Variants in CDH4 observed in about 807,000 individuals in gnomAD.
CDH4 encodes the protein cadherin 4.
A neutral mutation model predicts 86.0 loss-of-function variants in CDH4; 33 were observed. The observed-to-expected ratio is 0.38, with a 90% confidence interval of 0.29 to 0.51. The LOEUF (loss-of-function observed/expected upper bound fraction) is 0.51, where lower values mean the gene tolerates loss of function less well. CDH4 is among the 20% of genes least tolerant of loss of function. CDH4 has a pLI of 0.86. For missense variants in CDH4, 1,114 were observed against 1,307.4 expected, an observed-to-expected ratio of 0.85 and a Z score of 2.28; for synonymous variants, 555 against 549.4, an observed-to-expected ratio of 1.01 and a Z score of -0.14.
chr20:61,411,355 T>A (rs1483490019), intron 2 of CDH4, among the ~76,000 whole-genome samples: 1 of 148,250 alleles, frequency 6.7e-6, no homozygotes, highest in African/African-American at 2.5e-5. Context: ...GACTCTGCTT[T>A]CAAAACTGCC....
At chr20:61,452,307 T>G (rs1266554863) in intron 2 of CDH4, among the ~76,000 whole-genome samples, 1 of 152,142 alleles carries the variant, frequency 6.6e-6, no homozygotes, top group Non-Finnish European at 1.5e-5. Context: ...CCATAATAGA[T>G]CTTAGTCCCT....
rs187340782 is a variant in CDH4 at position 61,745,123 on chromosome 20, C to T, written c.396+1334C>T. Among the ~76,000 whole-genome samples the T allele has an allele frequency of 2.4e-3, 368 of 152,354 alleles. 1 individual carries two copies. The highest frequency in any genetic ancestry group is 8.5e-3 in the African/African-American group (353 of 41,590). On this transcript the variant is annotated intron_variant, in intron 3 of 15. Coordinates refer to ENST00000614565, the MANE Select transcript of CDH4 (RefSeq NM_001794.5). ...CAAAGGAAATCACCACGCAAGGCGG[C>T]GGCCACTAGCAATCATGGGCACTCC...
chr20:61,296,065 A>AG (rs1243253276), intron 2 of CDH4, among the ~76,000 whole-genome samples: 2 of 152,076 alleles, frequency 1.3e-5, no homozygotes, highest in Admixed American at 6.5e-5. Flanking sequence ...CGGTGGGGCA[A>AG]GGGGGAGTGG....
intron 2 of CDH4, among the ~76,000 whole-genome samples, chr20:61,572,492 C>A (rs1418703821): frequency 1.3e-5 from 2 of 152,118 alleles, no homozygotes; most frequent in East Asian, 1.9e-4. Flanking sequence ...CTGGGGTGAG[C>A]CTCTGCCCTC....
At chr20:61,559,370 G>A (rs1015664314) in intron 2 of CDH4, among the ~76,000 whole-genome samples, 1 of 152,046 alleles carries the variant, frequency 6.6e-6, no homozygotes, top group Non-Finnish European at 1.5e-5. Flanking sequence ...GAATGCTGAT[G>A]GCCATCACTG....
chr20:61,934,993 T>C (rs1260035729), intron 15 of CDH4, among the ~76,000 whole-genome samples: 1 of 152,264 alleles, frequency 6.6e-6, no homozygotes, highest in Non-Finnish European at 1.5e-5. Context: ...CCGTCTTCCA[T>C]CTTCCTTTGC....
chr20:61,371,979 G>A (rs7348218), intron 2 of CDH4, among the ~76,000 whole-genome samples: 1,597 of 152,328 alleles, frequency 0.01, 25 homozygotes, highest in African/African-American at 0.036. Context: ...ATGAGGTCAC[G>A]GGCAGGCCGC....
At chr20:61,435,502 G>A (rs77042000) in intron 2 of CDH4, 9,004 of 152,676 alleles carry the variant, frequency 0.059, 862 homozygotes, top group African/African-American at 0.2. Flanking sequence ...CACTGCGGCC[G>A]GAGGAGGTGG....
rs149986872 is a variant in CDH4 at position 61,626,244 on chromosome 20, G to C, written c.170-117319G>C. Among the ~76,000 whole-genome samples the C allele has an allele frequency of 5.2e-3, 797 of 152,270 alleles. 23 individuals carry two copies. Among genetic ancestry groups the C allele is most frequent in the Admixed American group, 0.043 (651 of 15,302 alleles). ...ACGGCGGAGCAGGCCAAGGGGTGGG[G>C]GTCAGTTTTAAATGGGACGTCAGAG... On this transcript the variant is annotated intron_variant, in intron 2 of 15. Transcript: ENST00000614565.
At chr20:61,919,026 A>ACGC (rs1176603679) in intron 9 of CDH4, among the ~76,000 whole-genome samples, 2 of 152,122 alleles carry the variant, frequency 1.3e-5, no homozygotes, top group East Asian at 3.9e-4. Flanking sequence ...GTGTGCTACC[A>ACGC]CGCTCAACTA....
chr20:61,362,451 A>G (rs547693413), intron 2 of CDH4, among the ~76,000 whole-genome samples: 112 of 145,814 alleles, frequency 7.7e-4, no homozygotes, highest in African/African-American at 2.7e-3. Flanking sequence ...GAGAGTGGAG[A>G]CGTGGCCTAG....
chr20:61,928,116 G>C, intron 11 of CDH4, 74 bp from the exon 12 acceptor site: 1 of 1,137,308 alleles, frequency 8.8e-7, no homozygotes, highest in Non-Finnish European at 1.3e-6. Context: ...TTGTGTGCGT[G>C]TCCTGTGTGG....
chr20:61,362,068 G>C (rs1277023006), intron 2 of CDH4, among the ~76,000 whole-genome samples: 1 of 152,244 alleles, frequency 6.6e-6, no homozygotes, highest in Non-Finnish European at 1.5e-5. Context: ...AGGGCTGCGC[G>C]TCCCTTAGCC....
At chr20:61,731,591 A>G (rs1169673152) in intron 2 of CDH4, among the ~76,000 whole-genome samples, 1 of 152,196 alleles carries the variant, frequency 6.6e-6, no homozygotes, top group Non-Finnish European at 1.5e-5. Context: ...TTCCTGAGGC[A>G]GCTGCATGTT....
intron 2 of CDH4, among the ~76,000 whole-genome samples, chr20:61,304,345 T>C (rs1227123885): frequency 6.6e-6 from 1 of 151,984 alleles, no homozygotes. Context: ...GTTTTTGTTA[T>C]TTTACTTCAT....
intron 2 of CDH4, among the ~76,000 whole-genome samples, chr20:61,348,107 C>T (rs2084690100): frequency 6.6e-6 from 1 of 152,144 alleles, no homozygotes; most frequent in Admixed American, 6.5e-5. Context: ...GTATATTAGT[C>T]TGTTCTTACA....
chr20:61,858,963 G>A (rs191084697), intron 6 of CDH4, among the ~76,000 whole-genome samples: 25 of 152,246 alleles, frequency 1.6e-4, no homozygotes, highest in South Asian at 8.3e-4. Context: ...GGGAGCAGGC[G>A]TTTGTTTTGT....
chr20:61,560,297 G>A (rs6061281), intron 2 of CDH4, among the ~76,000 whole-genome samples: 40,219 of 152,074 alleles, frequency 0.26, 5,876 homozygotes, highest in African/African-American at 0.39. Flanking sequence ...TACATGTGCA[G>A]GTTTGTTTAT....
At chr20:61,475,107 A>G (rs2085526885) in intron 2 of CDH4, among the ~76,000 whole-genome samples, 1 of 152,178 alleles carries the variant, frequency 6.6e-6, no homozygotes, top group Admixed American at 6.5e-5. Flanking sequence ...AGAATCCTGC[A>G]TTATATAAGC....
Sources: gnomAD v4.1 joint callset for allele counts (sites outside exome capture counted in the v4.1 genomes callset) on GRCh38, gnomAD v4.1.1 for gene constraint, MANE v1.5 for transcripts, NCBI Gene and HGNC (gene_info 2026-07-23, HGNC 2026-07-21) for gene names.